The following ANXA4 variants were observed in gnomAD, a reference collection of about 807,000 sequenced individuals.
The protein encoded by ANXA4 is 35-beta calcimedin.
Under a neutral mutation model 49.8 loss-of-function variants are expected in ANXA4, and 39 were observed. The ratio of observed to expected loss-of-function variants is 0.78; its 90% CI spans 0.61 to 1.02. The LOEUF (loss-of-function observed/expected upper bound fraction) is 1.02, where lower values mean the gene tolerates loss of function less well. ANXA4 is among the 50% of genes least tolerant of loss of function. The pLI is 0.00. For synonymous variants in ANXA4, 134 were observed against 152.5 expected, an observed-to-expected ratio of 0.88 and a Z score of 0.89; for missense variants, 360 against 410.1, an observed-to-expected ratio of 0.88 and a Z score of 1.05.
At chr2:69,775,398 G>A (rs372132760) in intron 1 of ANXA4, among the ~76,000 whole-genome samples, 1 of 152,128 alleles carries the variant, frequency 6.6e-6, no homozygotes, top group South Asian at 2.1e-4. Context: ...AACACCTTGG[G>A]GTAGCTTTTA....
At chr2:69,759,902 G>C (rs1442463344) in intron 1 of ANXA4, among the ~76,000 whole-genome samples, 29 of 152,002 alleles carry the variant, frequency 1.9e-4, no homozygotes, top group Non-Finnish European at 2.9e-5. Flanking sequence ...GTGTGATCTT[G>C]GCTCACTGCA....
chr2:69,779,629 G>A (rs2103653025), intron 1 of ANXA4, among the ~76,000 whole-genome samples: 2 of 152,304 alleles, frequency 1.3e-5, no homozygotes, highest in East Asian at 3.9e-4. Context: ...GTAAAGTACA[G>A]TACCTTGTTA....
In ANXA4 at chr2:69,816,162, T is replaced by C. The variant is rs1673981474; in HGVS notation, c.596T>C (p.Leu199Pro). ...GTDEVKFLTV[L>P]CSRNRNHLLH... is the part of the protein sequence containing the mutation. ...GATGAGGTGAAATTTCTAACTGTTC[T>C]CTGTTCCCGGAACCGAAATCACCTG... Residue 199 changes from leucine (L) to proline (P), a missense_variant, in exon 9 of 13, where the codon CTC becomes CCC. By Grantham distance (98) the Leu-to-Pro change is moderately conservative. Transcript: ENST00000394295. The C allele has an allele frequency of 6.2e-7, 1 of 1,614,046 alleles. No individual in the cohort carries two copies. The highest frequency in any genetic ancestry group is 1.3e-5 in the African/African-American group (1 of 74,938).
At chr2:69,738,833 C>G (rs531443827), upstream of ANXA4, among the ~76,000 whole-genome samples, 1 of 152,272 alleles carries the variant, frequency 6.6e-6, no homozygotes, top group East Asian at 1.9e-4. Context: ...CAGACTGGCC[C>G]ATCTGCCAGC....
In ANXA4 at chr2:69,758,282, C is replaced by CGACTA. The variant is rs1187606406; in HGVS notation, c.-47+16108_-47+16112dup. Among the ~76,000 whole-genome samples, 4 of 152,242 alleles carry CGACTA rather than the reference C, an allele frequency of 2.6e-5. No homozygotes were observed. In the South Asian group the frequency reaches 8.3e-4, roughly 32 times the overall value. On this transcript the variant is annotated intron_variant, in intron 1 of 12. Coordinates refer to ENST00000394295, the MANE Select transcript of ANXA4 (RefSeq NM_001153.5). ...CCCATCTTGGCTTCCCAAAGCGCTG[C>CGACTA]GACTACAGGCGTGAGCTACCGTACC...
intron 1 of ANXA4, among the ~76,000 whole-genome samples, chr2:69,751,565 G>A (rs1240534920): frequency 6.6e-6 from 1 of 151,904 alleles, no homozygotes; most frequent in African/African-American, 2.4e-5. Context: ...AGACAGGGCT[G>A]GGAGATTAAG....
At chr2:69,720,757 C>CT (rs900574725) in intron 2 of ANXA4, 14 of 151,736 alleles carry the variant, frequency 9.2e-5, no homozygotes, top group South Asian at 2.1e-4. Context: ...CCAAATGTCA[C>CT]TTTTTTTTTC....
rs374018274 is a variant in ANXA4, at chr2:69,763,724, G to A, written c.-46-17796G>A. Among the ~76,000 whole-genome samples the A allele has an allele frequency of 3.5e-4, 52 of 149,416 alleles. No homozygotes were observed. The East Asian group carries it at 7.7e-3, about 22-fold the overall frequency. ...GTTGCCCAGGCTGGAGTGCAGTGGC[G>A]TGATCTCGTCTCACTGCAACCTCCG... On this transcript the variant is annotated intron_variant, in intron 1 of 12. Transcript: ENST00000394295.
upstream of ANXA4, chr2:69,643,934 G>A: frequency 1.8e-6 from 2 of 1,124,368 alleles, no homozygotes; most frequent in Non-Finnish European, 2.2e-6. Flanking sequence ...TCTCAGTGCA[G>A]ACAGAGTTCT....
upstream of ANXA4, among the ~76,000 whole-genome samples, chr2:69,740,855 GTTTTT>G (rs10718417): frequency 2.0e-5 from 2 of 98,370 alleles, no homozygotes; most frequent in African/African-American, 8.0e-5. Flanking sequence ...CTATATATAT[GTTTTT>G]TTTTTTTTTT....
At chr2:69,661,798 A>C (rs1559053182) in intron 2 of ANXA4, among the ~76,000 whole-genome samples, 1 of 152,076 alleles carries the variant, frequency 6.6e-6, no homozygotes, top group Admixed American at 6.6e-5. Context: ...TGTAGGTGAG[A>C]CTAAACCCAG....
chr2:69,694,467 T>C (rs1678089458), intron 2 of ANXA4, among the ~76,000 whole-genome samples: 1 of 151,300 alleles, frequency 6.6e-6, no homozygotes. Context: ...CTGAACCCAT[T>C]AACTCGTCAT....
chr2:69,767,683 G>A (rs1222793441), intron 1 of ANXA4, among the ~76,000 whole-genome samples: 1 of 152,176 alleles, frequency 6.6e-6, no homozygotes, highest in African/African-American at 2.4e-5. Flanking sequence ...ATGTTTGACC[G>A]GGGCCATCTG....
At chr2:69,798,287 G>A (rs1673031460) in intron 3 of ANXA4, among the ~76,000 whole-genome samples, 1 of 152,212 alleles carries the variant, frequency 6.6e-6, no homozygotes, top group African/African-American at 2.4e-5. Flanking sequence ...TTACTACGGT[G>A]GTTGCTAAAC....
chr2:69,749,335 A>T (rs529503236), intron 1 of ANXA4, among the ~76,000 whole-genome samples: 1 of 152,254 alleles, frequency 6.6e-6, no homozygotes, highest in African/African-American at 2.4e-5. Context: ...GAGACAGAGG[A>T]TTGAGAGACA....
At chr2:69,687,433 G>C (rs1677828441) in intron 2 of ANXA4, among the ~76,000 whole-genome samples, 1 of 151,880 alleles carries the variant, frequency 6.6e-6, no homozygotes, top group Non-Finnish European at 1.5e-5. Context: ...ACTTGAACCT[G>C]GGAGGCAGAG....
At chr2:69,692,964 C>G (rs772216589) in intron 2 of ANXA4, among the ~76,000 whole-genome samples, 1 of 152,094 alleles carries the variant, frequency 6.6e-6, no homozygotes, top group Non-Finnish European at 1.5e-5. Context: ...AATCTGCATA[C>G]TGCTAATGTG....
intron 3 of ANXA4, among the ~76,000 whole-genome samples, chr2:69,730,894 G>A (rs1263177491): frequency 1.3e-5 from 2 of 152,146 alleles, no homozygotes; most frequent in African/African-American, 2.4e-5. Flanking sequence ...TCATATATTC[G>A]CTTTCTCCAT....
intron 2 of ANXA4, among the ~76,000 whole-genome samples, chr2:69,684,528 CA>C (rs1229649425): frequency 6.1e-5 from 9 of 147,390 alleles, no homozygotes; most frequent in Admixed American, 2.0e-4. Flanking sequence ...ACAAAAAATA[CA>C]AAAATTATCC....
Sources: gnomAD v4.1 joint callset for allele counts (sites outside exome capture counted in the v4.1 genomes callset) on GRCh38, gnomAD v4.1.1 for gene constraint, MANE v1.5 for transcripts, NCBI Gene and HGNC (gene_info 2026-07-23, HGNC 2026-07-21) for gene names.